Variants in CTNNA3 observed in about 807,000 individuals in gnomAD.
CTNNA3 encodes catenin alpha 3.
CTNNA3 carries 76 observed loss-of-function variants against 95.7 expected under a neutral mutation model. The ratio of observed to expected loss-of-function variants is 0.79; its 90% confidence interval spans 0.66 to 0.96. The LOEUF is 0.96. Ranked by LOEUF, CTNNA3 falls within the 40% of genes least tolerant of loss-of-function variation. The probability of loss-of-function intolerance (pLI) is 0.00; values close to 1 mark genes in which losing one functional copy is unlikely to be tolerated. For synonymous variants in CTNNA3, 431 were observed against 374.4 expected (o/e 1.15, Z -1.74); for missense variants, 1,191 against 1,089.8 (o/e 1.09, Z -1.31).
At chr10:66,844,628 G>A (rs1356789225) in intron 7 of CTNNA3, among the ~76,000 whole-genome samples, 1 of 152,158 alleles carries the variant, frequency 6.6e-6, no homozygotes, top group East Asian at 1.9e-4. Flanking sequence ...ATATTAAGGA[G>A]TCAGTCAGTA....
chr10:67,398,162 G>C (rs548901291), intron 5 of CTNNA3, among the ~76,000 whole-genome samples: 1 of 152,176 alleles, frequency 6.6e-6, no homozygotes, highest in African/African-American at 2.4e-5. Context: ...CTTGTGGCTG[G>C]AAAAGCAGCA....
At chr10:66,444,483 A>C (rs1826077985) in intron 11 of CTNNA3, among the ~76,000 whole-genome samples, 1 of 152,316 alleles carries the variant, frequency 6.6e-6, no homozygotes, top group Non-Finnish European at 1.5e-5. Flanking sequence ...CTCTTGGCAA[A>C]AACTCTACAA....
At chr10:67,248,927 A>C (rs1349382875) in intron 5 of CTNNA3, among the ~76,000 whole-genome samples, 1 of 152,188 alleles carries the variant, frequency 6.6e-6, no homozygotes, top group African/African-American at 2.4e-5. Context: ...GATTGCAAAA[A>C]TTCAAAAAAT....
intron 3 of CTNNA3, among the ~76,000 whole-genome samples, chr10:67,562,260 A>T (rs1353287193): frequency 6.6e-6 from 1 of 152,210 alleles, no homozygotes; most frequent in Non-Finnish European, 1.5e-5. Flanking sequence ...GGCAAACTGA[A>T]TCCAGCAGCA....
At chr10:65,942,779 G>C (rs16922222) in intron 17 of CTNNA3, among the ~76,000 whole-genome samples, 9,896 of 151,722 alleles carry the variant, frequency 0.065, 509 homozygotes, top group African/African-American at 0.14. Context: ...ACAGTAAAAT[G>C]CTCTGGTTAG....
chr10:67,656,047 G>A (rs1840015847), intron 1 of CTNNA3, among the ~76,000 whole-genome samples: 1 of 152,100 alleles, frequency 6.6e-6, no homozygotes, highest in African/African-American at 2.4e-5. Flanking sequence ...GAAATAAAAT[G>A]GAAAGAAGAC....
At chr10:66,757,277 C>A (rs531315379) in intron 9 of CTNNA3, among the ~76,000 whole-genome samples, 2 of 152,092 alleles carry the variant, frequency 1.3e-5, no homozygotes, top group Non-Finnish European at 2.9e-5. Context: ...TAGGGAGTGG[C>A]AACTCTAAAT....
chr10:67,051,289 AC>A (rs1855072974), intron 7 of CTNNA3, among the ~76,000 whole-genome samples: 1 of 152,104 alleles, frequency 6.6e-6, no homozygotes, highest in Non-Finnish European at 1.5e-5. Context: ...ATTCTCTTAC[AC>A]CTAACCTTAA....
In CTNNA3 at chr10:67,235,847, G is replaced by A. The variant is rs1188692471; in HGVS notation, c.580-15977C>T. On this transcript the variant is annotated intron_variant, in intron 5 of 17. Coordinates refer to ENST00000433211, the MANE Select transcript of CTNNA3 (RefSeq NM_013266.4). The stretch of plus-strand genomic sequence containing the variant: ...AAAACAACCCCATCAAAAAGTGGGC[G>A]AAGGACATGAACAGACTCTTCTCAA... 1.9e-4 allele frequency among the ~76,000 whole-genome samples: 27 copies of A among 141,112 alleles called. 3 individuals carry two copies. Among genetic ancestry groups the A allele is most frequent in the Middle Eastern group, 3.5e-3 (1 of 286 alleles). 92.6% of individuals were successfully genotyped at this position (141,112 alleles called of 152,430 possible). A position where few individuals can be genotyped will look rare whatever the true frequency, so the allele number is the denominator to read the frequency against.
At chr10:67,649,760 G>C (rs1244860163) in intron 1 of CTNNA3, among the ~76,000 whole-genome samples, 2 of 152,204 alleles carry the variant, frequency 1.3e-5, no homozygotes, top group Non-Finnish European at 2.9e-5. Flanking sequence ...CAAATTTGTA[G>C]ATATAGCAAT....
At chr10:67,435,332 T>C (rs1316922369) in intron 5 of CTNNA3, among the ~76,000 whole-genome samples, 2 of 152,118 alleles carry the variant, frequency 1.3e-5, no homozygotes, top group East Asian at 3.9e-4. Flanking sequence ...TGAACATACC[T>C]TAATGTAATA....
chr10:66,266,357 A>G (rs920727825), intron 13 of CTNNA3, among the ~76,000 whole-genome samples: 11 of 151,834 alleles, frequency 7.2e-5, no homozygotes, highest in South Asian at 2.1e-4. Context: ...AGCCTAACAC[A>G]CTGTCTTTCA....
rs538634656 is a variant in CTNNA3 at position 66,173,418 on chromosome 10, C to T, written c.1885-70169G>A. 3.0e-4 allele frequency among the ~76,000 whole-genome samples: 46 copies of T among 152,080 alleles called. 1 individual carries two copies. The highest frequency in any genetic ancestry group is 1.4e-3 in the Admixed American group (21 of 15,270). On this transcript the variant is annotated intron_variant, in intron 13 of 17. Transcript: ENST00000433211. The stretch of plus-strand genomic sequence containing the variant: ...GAAGATTTAGTATTTAATGTGGTAA[C>T]AAAGAATATTGAGTTTTTCAGTTTG...
chr10:66,033,579 C>T (rs1759630120), intron 15 of CTNNA3, among the ~76,000 whole-genome samples: 1 of 151,768 alleles, frequency 6.6e-6, no homozygotes, highest in South Asian at 2.1e-4. Flanking sequence ...CATTCAGTTT[C>T]AGTGTGCTTA....
chr10:66,870,789 C>G (rs568477666), intron 7 of CTNNA3, among the ~76,000 whole-genome samples: 8 of 152,088 alleles, frequency 5.3e-5, no homozygotes, highest in Admixed American at 1.3e-4. Flanking sequence ...TTTTCCTTTG[C>G]TGCACATTTG....
intron 15 of CTNNA3, among the ~76,000 whole-genome samples, chr10:66,004,993 G>A (rs2078851344): frequency 6.6e-6 from 1 of 152,134 alleles, no homozygotes; most frequent in South Asian, 2.1e-4. Context: ...GTGTCAGCAG[G>A]GCTGGTTCCT....
chr10:67,371,146 G>A (rs1053156362), intron 5 of CTNNA3, among the ~76,000 whole-genome samples: 1 of 151,778 alleles, frequency 6.6e-6, no homozygotes, highest in African/African-American at 2.4e-5. Flanking sequence ...GATTACAGGC[G>A]TGAGCCACCG....
At chr10:67,018,776 C>T (rs1235327751) in intron 7 of CTNNA3, among the ~76,000 whole-genome samples, 5 of 152,266 alleles carry the variant, frequency 3.3e-5, no homozygotes, top group East Asian at 1.9e-4. Context: ...ATTTGAGCAA[C>T]GCACTTAAAA....
At chr10:66,761,939 T>C (rs926764290) in intron 9 of CTNNA3, among the ~76,000 whole-genome samples, 7 of 152,154 alleles carry the variant, frequency 4.6e-5, no homozygotes, top group Admixed American at 2.6e-4. Context: ...CTCAGACATA[T>C]ATTTCAAGTC....
Sources: gnomAD v4.1 joint callset for allele counts (sites outside exome capture counted in the v4.1 genomes callset) on GRCh38, gnomAD v4.1.1 for gene constraint, MANE v1.5 for transcripts, NCBI Gene and HGNC (gene_info 2026-07-23, HGNC 2026-07-21) for gene names.